The following GALNT13 variants were observed in gnomAD, a reference collection of about 807,000 sequenced individuals.
The protein encoded by GALNT13 is polypeptide N-acetylgalactosaminyltransferase 13.
A neutral mutation model predicts 64.2 loss-of-function variants in GALNT13; 28 were observed. That is an observed-to-expected ratio of 0.44 (90% confidence interval 0.32 to 0.60). GALNT13 has a LOEUF of 0.60. Among genes scored for constraint, GALNT13 ranks in the 20% least tolerant of loss-of-function variants. The probability of loss-of-function intolerance (pLI) is 0.05; values close to 1 mark genes in which losing one functional copy is unlikely to be tolerated. For missense variants in GALNT13, 577 were observed against 669.8 expected, an observed-to-expected ratio of 0.86 and a Z score of 1.53; for synonymous variants, 214 against 224.6, an observed-to-expected ratio of 0.95 and a Z score of 0.42.
intron 2 of GALNT13, among the ~76,000 whole-genome samples, chr2:153,908,346 C>T (rs1688718494): frequency 6.6e-6 from 1 of 151,954 alleles, no homozygotes. Context: ...AGGTTGTCTG[C>T]TTACTCTGTT....
At chr2:153,240,178 A>G in the GALNT13 span, among the ~76,000 whole-genome samples, 1 of 151,904 alleles carries the variant, frequency 6.6e-6, no homozygotes, top group African/African-American at 2.4e-5. Context: ...TTCCTCTTTC[A>G]TCTCTGATTT....
chr2:154,300,196 G>A (rs1346175367), intron 8 of GALNT13, among the ~76,000 whole-genome samples: 3 of 140,554 alleles, frequency 2.1e-5, no homozygotes, highest in South Asian at 2.4e-4. Context: ...TCTGCCTCCC[G>A]AGTTCAAGCG....
chr2:153,456,895 A>G, the GALNT13 span, among the ~76,000 whole-genome samples: 1 of 152,236 alleles, frequency 6.6e-6, no homozygotes, highest in Non-Finnish European at 1.5e-5. Context: ...GGCGGATAAT[A>G]TAAGTGAATG....
chr2:154,281,757 A>G (rs955311856), intron 8 of GALNT13, among the ~76,000 whole-genome samples: 1 of 152,036 alleles, frequency 6.6e-6, no homozygotes, highest in African/African-American at 2.4e-5. Context: ...TCAACTCTAC[A>G]TTCAGTCTAT....
At chr2:153,970,686 T>C (rs2105125128) in intron 3 of GALNT13, among the ~76,000 whole-genome samples, 1 of 152,314 alleles carries the variant, frequency 6.6e-6, no homozygotes, top group Middle Eastern at 3.4e-3. Context: ...TATCCAAAAC[T>C]GAATTTCTCA....
At chr2:153,617,656 G>A in the GALNT13 span, among the ~76,000 whole-genome samples, 2 of 151,716 alleles carry the variant, frequency 1.3e-5, no homozygotes, top group African/African-American at 4.8e-5. Context: ...ATATTTGATA[G>A]AATTCAGCAA....
chr2:153,967,085 T>C (rs930161796), intron 3 of GALNT13, among the ~76,000 whole-genome samples: 17 of 152,164 alleles, frequency 1.1e-4, no homozygotes, highest in Admixed American at 5.9e-4. Context: ...AAAAAATTAT[T>C]TCAATCACTT....
At chr2:153,187,807 T>C in the GALNT13 span, among the ~76,000 whole-genome samples, 1 of 152,218 alleles carries the variant, frequency 6.6e-6, no homozygotes, top group African/African-American at 2.4e-5. Context: ...CGATTCTGTA[T>C]ACTTGGAGCT....
the GALNT13 span, among the ~76,000 whole-genome samples, chr2:153,666,803 T>G: frequency 6.6e-6 from 1 of 152,124 alleles, no homozygotes. Context: ...CCAGCAATGG[T>G]TTTTAACAAG....
intron 9 of GALNT13, among the ~76,000 whole-genome samples, chr2:154,370,516 A>C (rs902008050): frequency 5.3e-5 from 8 of 152,180 alleles, no homozygotes; most frequent in African/African-American, 1.7e-4. Context: ...GGGTTTGTGA[A>C]TAAAGTTAAT....
At chr2:153,630,811 T>TTTA in the GALNT13 span, among the ~76,000 whole-genome samples, 5 of 25,846 alleles carry the variant, frequency 1.9e-4, no homozygotes, top group African/African-American at 3.5e-4. Context: ...ATATATATTT[T>TTTA]TTTTTTTTTT....
the GALNT13 span, among the ~76,000 whole-genome samples, chr2:153,384,202 G>T: frequency 6.6e-6 from 1 of 151,910 alleles, no homozygotes; most frequent in Non-Finnish European, 1.5e-5. Context: ...ATCTTAGTTG[G>T]TTATTGTGGA....
intron 3 of GALNT13, among the ~76,000 whole-genome samples, chr2:153,970,996 C>G (rs1414083649): frequency 6.6e-6 from 1 of 152,186 alleles, no homozygotes. Context: ...GTGCCTTGAG[C>G]ACTGGAGTCA....
chr2:154,100,354 A>G (rs1040723147), intron 3 of GALNT13, among the ~76,000 whole-genome samples: 2 of 152,094 alleles, frequency 1.3e-5, no homozygotes, highest in African/African-American at 2.4e-5. Context: ...ATGTTTATCC[A>G]TTTGTTTATA....
chr2:154,305,828 T>C (rs1269741274), intron 9 of GALNT13, among the ~76,000 whole-genome samples: 2 of 152,212 alleles, frequency 1.3e-5, no homozygotes, highest in African/African-American at 4.8e-5. Flanking sequence ...TCTTACCATA[T>C]TGTTTTAATT....
the GALNT13 span, among the ~76,000 whole-genome samples, chr2:153,392,835 A>T: frequency 1.3e-5 from 2 of 152,160 alleles, no homozygotes; most frequent in East Asian, 3.9e-4. Context: ...ATTAAAAGGT[A>T]GAGCTTCAGG....
the GALNT13 span, among the ~76,000 whole-genome samples, chr2:153,657,306 G>A: frequency 6.6e-6 from 1 of 152,180 alleles, no homozygotes; most frequent in Admixed American, 6.6e-5. Context: ...AATATGATAT[G>A]TATGCATTAT....
In GALNT13 at chr2:154,228,482, A is replaced by G. The variant is rs556560965; in HGVS notation, c.312-13548A>G. On this transcript the variant is annotated intron_variant, in intron 4 of 12. Coordinates refer to ENST00000392825, the MANE Select transcript of GALNT13 (RefSeq NM_052917.4). ...ATTATTTTCTCTGGGACTGTGATCT[A>G]TTTCTGAAATCGTCCCCTGGATGTG... Among the ~76,000 whole-genome samples the G allele has an allele frequency of 5.3e-5, 8 of 152,218 alleles. No individual in the cohort carries two copies. In the East Asian group the frequency reaches 1.2e-3, roughly 22 times the overall value.
chr2:153,685,043 C>T, the GALNT13 span, among the ~76,000 whole-genome samples: 1 of 151,606 alleles, frequency 6.6e-6, no homozygotes, highest in Non-Finnish European at 1.5e-5. Flanking sequence ...TTTCTTTATC[C>T]AGTCTATCAT....
Sources: gnomAD v4.1 joint callset for allele counts (sites outside exome capture counted in the v4.1 genomes callset) on GRCh38, gnomAD v4.1.1 for gene constraint, MANE v1.5 for transcripts, NCBI Gene and HGNC (gene_info 2026-07-23, HGNC 2026-07-21) for gene names.